CDKAL1: variants seen among roughly 807,000 people sequenced by gnomAD.
CDKAL1 encodes threonylcarbamoyladenosine tRNA methylthiotransferase.
Under a neutral mutation model 68.2 loss-of-function variants are expected in CDKAL1, and 32 were observed. That is an observed-to-expected ratio of 0.47 (90% CI 0.35 to 0.63). CDKAL1 has a LOEUF of 0.63. CDKAL1 is among the 30% of genes least tolerant of loss of function. The pLI, the probability that CDKAL1 is intolerant of heterozygous loss-of-function variation, is 0.00. For missense variants in CDKAL1, 606 were observed against 696.7 expected (o/e 0.87, Z 1.47); for synonymous variants, 234 against 244.3 (o/e 0.96, Z 0.39).
intron 4 of CDKAL1, among the ~76,000 whole-genome samples, chr6:20,617,471 G>A (rs1342097310): frequency 2.0e-5 from 3 of 152,148 alleles, no homozygotes; most frequent in African/African-American, 7.2e-5. Flanking sequence ...ACAACGTGCA[G>A]GTTTGTTACA....
chr6:20,904,080 A>G (rs1403916853), intron 9 of CDKAL1, among the ~76,000 whole-genome samples: 1 of 152,196 alleles, frequency 6.6e-6, no homozygotes, highest in Non-Finnish European at 1.5e-5. Context: ...TGCACAATGT[A>G]GGGTGCACAA....
chr6:20,554,763 TTTAGATACAGCTGTG>T (rs1763971181), intron 4 of CDKAL1, among the ~76,000 whole-genome samples: 1 of 152,294 alleles, frequency 6.6e-6, no homozygotes, highest in South Asian at 2.1e-4. Flanking sequence ...ACAGCCCTCA[TTTAGATACAGCTGTG>T]TTAGATACAG....
chr6:20,618,304 T>C (rs989012659), intron 4 of CDKAL1, among the ~76,000 whole-genome samples: 1 of 152,240 alleles, frequency 6.6e-6, no homozygotes, highest in African/African-American at 2.4e-5. Flanking sequence ...TTGTATATTC[T>C]GGATATTAGC....
At chr6:21,075,482 GA>G (rs1206939259) in intron 12 of CDKAL1, among the ~76,000 whole-genome samples, 2 of 150,736 alleles carry the variant, frequency 1.3e-5, no homozygotes, top group African/African-American at 2.4e-5. Context: ...ATTGCCTACT[GA>G]AAAAAAAGAG....
intron 5 of CDKAL1, among the ~76,000 whole-genome samples, chr6:20,737,992 G>A (rs1773273576): frequency 6.6e-6 from 1 of 152,176 alleles, no homozygotes; most frequent in African/African-American, 2.4e-5. Context: ...TCTTGAAAAA[G>A]TTGACAAAGA....
intron 15 of CDKAL1, among the ~76,000 whole-genome samples, chr6:21,203,194 C>A (rs984208560): frequency 7.2e-6 from 1 of 139,702 alleles, no homozygotes; most frequent in Non-Finnish European, 1.5e-5. Context: ...GGACTATAGG[C>A]ATGCACCACC....
chr6:20,787,652 C>T (rs959329299), intron 8 of CDKAL1, among the ~76,000 whole-genome samples: 1 of 152,196 alleles, frequency 6.6e-6, no homozygotes, highest in African/African-American at 2.4e-5. Context: ...CATCCTCAGG[C>T]AACCAGAATT....
At chr6:20,729,732 G>C (rs1217900931) in intron 5 of CDKAL1, among the ~76,000 whole-genome samples, 1 of 152,208 alleles carries the variant, frequency 6.6e-6, no homozygotes, top group Non-Finnish European at 1.5e-5. Context: ...AGCAGAGCCA[G>C]TGTTAGAACC....
At chr6:21,023,576 C>T (rs1768800369) in intron 11 of CDKAL1, among the ~76,000 whole-genome samples, 1 of 152,074 alleles carries the variant, frequency 6.6e-6, no homozygotes, top group African/African-American at 2.4e-5. Flanking sequence ...TTATCGCTTT[C>T]CTTTTATAAT....
At chr6:20,803,590 A>C (rs1488261726) in intron 8 of CDKAL1, among the ~76,000 whole-genome samples, 1 of 152,156 alleles carries the variant, frequency 6.6e-6, no homozygotes, top group Non-Finnish European at 1.5e-5. Flanking sequence ...CAGCAATTCC[A>C]GGAGAGTTGT....
At chr6:21,171,464 G>A (rs1219194709) in intron 13 of CDKAL1, among the ~76,000 whole-genome samples, 2 of 151,850 alleles carry the variant, frequency 1.3e-5, no homozygotes, top group Non-Finnish European at 2.9e-5. Flanking sequence ...CGCCCACCTT[G>A]GCCTCCCAAA....
At chr6:21,141,930 T>G (rs1297336250) in intron 13 of CDKAL1, among the ~76,000 whole-genome samples, 4 of 152,218 alleles carry the variant, frequency 2.6e-5, no homozygotes, top group Admixed American at 2.6e-4. Context: ...CTCTTAAATC[T>G]TATACTGAAA....
intron 13 of CDKAL1, among the ~76,000 whole-genome samples, chr6:21,144,706 A>G (rs1360698907): frequency 6.6e-6 from 1 of 151,246 alleles, no homozygotes; most frequent in Non-Finnish European, 1.5e-5. Context: ...AGGCTCAGGT[A>G]GGAGGATCAC....
At chr6:20,540,097 A>C (rs1311919118) in intron 2 of CDKAL1, among the ~76,000 whole-genome samples, 3 of 86,708 alleles carry the variant, frequency 3.5e-5, no homozygotes, top group African/African-American at 2.4e-4. Flanking sequence ...TTTTTGAGAC[A>C]GAGTCTCACT....
chr6:20,744,696 C>G (rs1056305614), intron 6 of CDKAL1, among the ~76,000 whole-genome samples: 1 of 152,160 alleles, frequency 6.6e-6, no homozygotes. Context: ...TATTTATTTG[C>G]TGAGTTCTTC....
chr6:20,602,731 A>G (rs1290494763), intron 4 of CDKAL1, among the ~76,000 whole-genome samples: 7 of 152,142 alleles, frequency 4.6e-5, no homozygotes, highest in Non-Finnish European at 7.4e-5. Context: ...CTGATTCAGC[A>G]GCCTCACTTG....
chr6:20,789,520 A>G (rs1775810858), intron 8 of CDKAL1, among the ~76,000 whole-genome samples: 1 of 152,214 alleles, frequency 6.6e-6, no homozygotes, highest in Non-Finnish European at 1.5e-5. Context: ...AAACTTTGAA[A>G]TGAATATGTA....
intron 6 of CDKAL1, among the ~76,000 whole-genome samples, chr6:20,742,852 G>A (rs1773516100): frequency 6.6e-6 from 1 of 151,426 alleles, no homozygotes; most frequent in African/African-American, 2.4e-5. Context: ...TTTTTCTGTG[G>A]CAGGTATATT....
chr6:20,716,814 A>AT (rs913554428), intron 5 of CDKAL1, among the ~76,000 whole-genome samples: 3 of 124,306 alleles, frequency 2.4e-5, no homozygotes, highest in African/African-American at 1.3e-4. Context: ...TTTGGGAATC[A>AT]TGTGCTGTAG....
Sources: allele counts gnomAD v4.1 joint callset (sites outside exome capture counted in the v4.1 genomes callset), GRCh38; gene constraint gnomAD v4.1.1; transcripts MANE v1.5; gene names NCBI Gene and HGNC (gene_info 2026-07-23, HGNC 2026-07-21).